MARK1: variants seen among roughly 807,000 people sequenced by gnomAD.
The protein encoded by MARK1 is serine/threonine-protein kinase MARK1.
In MARK1, 40 loss-of-function variants were observed where a neutral mutation model predicts 96.3. The observed-to-expected ratio is 0.42, with a 90% CI of 0.32 to 0.54. MARK1 has a LOEUF of 0.54. Among genes scored for constraint, MARK1 ranks in the 20% least tolerant of loss-of-function variants. MARK1 has a pLI of 0.16. For synonymous variants in MARK1, 317 were observed against 341.2 expected, an observed-to-expected ratio of 0.93 and a Z score of 0.78; for missense variants, 719 against 984.6, an observed-to-expected ratio of 0.73 and a Z score of 3.61.
At chr1:220,608,455 A>G (rs1324260106) in intron 6 of MARK1, among the ~76,000 whole-genome samples, 1 of 151,694 alleles carries the variant, frequency 6.6e-6, no homozygotes, top group African/African-American at 2.4e-5. Context: ...TTTCTTCTTT[A>G]TTAGTCTTGC....
chr1:220,626,278 G>T, intron 9 of MARK1: 1 of 533,182 alleles, frequency 1.9e-6, no homozygotes. Context: ...CCACGGCGAT[G>T]GGATGGAAGA....
chr1:220,651,440 T>G (rs1668866880), intron 14 of MARK1, among the ~76,000 whole-genome samples: 1 of 152,162 alleles, frequency 6.6e-6, no homozygotes, highest in Non-Finnish European at 1.5e-5. Flanking sequence ...CATAAGATAA[T>G]TGGAAATTGA....
Position 220,653,121 on chromosome 1 carries a change from C to T in MARK1, c.1757C>T (p.Ala586Val). The T allele has an allele frequency of 6.2e-7, 1 of 1,614,206 alleles. No homozygotes were observed. Among genetic ancestry groups the T allele is most frequent in the Non-Finnish European group, 8.5e-7 (1 of 1,180,026 alleles). ...AGCAGTACAACCCAGAGAGTGCCTG[C>T]TGCTTCCCCATCTGCTCACAGTATT... ...YRPGTTQRVP[A>V]ASPSAHSIST... Residue 586 changes from alanine to valine, a missense_variant, in exon 16 of 18, where the codon GCT (alanine) becomes GTT (valine). By Grantham distance (64) the Ala-to-Val change is moderately conservative. Around this residue, in one of 4 missense-constraint regions of MARK1, gnomAD observed 501 missense variants for 588.3 expected, o/e 0.85. Coordinates refer to ENST00000366917, the MANE Select transcript of MARK1 (RefSeq NM_018650.5).
intron 13 of MARK1, among the ~76,000 whole-genome samples, chr1:220,644,383 A>G (rs1340453379): frequency 1.3e-5 from 2 of 151,750 alleles, no homozygotes; most frequent in East Asian, 3.9e-4. Flanking sequence ...CTAAATATAC[A>G]TGCACCCAAT....
intron 3 of MARK1, among the ~76,000 whole-genome samples, chr1:220,591,351 C>T (rs1279405592): frequency 6.6e-6 from 1 of 152,062 alleles, no homozygotes; most frequent in African/African-American, 2.4e-5. Flanking sequence ...CCAGCCGATT[C>T]TAAGAGAAAA....
intron 3 of MARK1, among the ~76,000 whole-genome samples, chr1:220,583,649 G>T (rs151140991): frequency 0.013 from 1,956 of 150,868 alleles, 23 homozygotes; most frequent in Middle Eastern, 0.038. Flanking sequence ...GTGATTCCTG[G>T]GTTCTTTTTT....
At chr1:220,650,870 T>C (rs573290890) in intron 14 of MARK1, 150 bp downstream of exon 14, 1 of 551,774 alleles carries the variant, frequency 1.8e-6, no homozygotes, top group African/African-American at 1.9e-5. Flanking sequence ...TAAGACATCT[T>C]TCCTGTACCA....
chr1:220,587,192 T>C (rs1664679746), intron 3 of MARK1, among the ~76,000 whole-genome samples: 1 of 152,172 alleles, frequency 6.6e-6, no homozygotes, highest in African/African-American at 2.4e-5. Context: ...CCTATCTTTC[T>C]GTAATCAGAT....
intron 12 of MARK1, 28 bp from the exon 13 acceptor site, chr1:220,635,805 C>A: frequency 1.3e-6 from 2 of 1,514,116 alleles, no homozygotes; most frequent in Non-Finnish European, 1.8e-6. Flanking sequence ...TTTTTCAGCT[C>A]ATTATGCTAT....
At chr1:220,586,011 A>ACACACACGCACG (rs112968910) in intron 3 of MARK1, among the ~76,000 whole-genome samples, 2 of 148,534 alleles carry the variant, frequency 1.3e-5, no homozygotes, top group Non-Finnish European at 3.0e-5. Context: ...ACACACACAC[A>ACACACACGCACG]CGCGCGCGTG....
At chr1:220,630,143 T>C (rs932526835) in intron 9 of MARK1, among the ~76,000 whole-genome samples, 1 of 152,186 alleles carries the variant, frequency 6.6e-6, no homozygotes, top group Admixed American at 6.5e-5. Context: ...GCCATCCTAA[T>C]GAGTATAAGG....
intron 3 of MARK1, among the ~76,000 whole-genome samples, chr1:220,582,487 GC>G (rs1418444020): frequency 2.6e-5 from 4 of 152,148 alleles, no homozygotes; most frequent in Non-Finnish European, 5.9e-5. Context: ...CACTTAAAAT[GC>G]ACAAACTGGG....
chr1:220,632,215 A>C lies in MARK1; in HGVS notation c.1024A>C (p.Met342Leu). The change falls in exon 11 of 18, where the codon ATG becomes CTG. Residue 342 changes from methionine to leucine, a missense_variant. Around this residue, in one of 4 missense-constraint regions of MARK1, gnomAD observed 501 missense variants for 588.3 expected, o/e 0.85. Transcript: ENST00000366917. ...TAAATTTCTAGACATTATGGTCACC[A>C]TGGGCTTTGCACGAGATGAAATAAA... ...DTKRIDIMVT[M>L]GFARDEINDA... 3.4e-6 allele frequency: 5 copies of C among 1,475,968 alleles called. No individual in the cohort carries two copies. Among genetic ancestry groups the C allele is most frequent in the Non-Finnish European group, 4.5e-6 (5 of 1,104,820 alleles). 91.4% of individuals were successfully genotyped at this position (1,475,968 alleles called of 1,614,324 possible).
intron 1 of MARK1, among the ~76,000 whole-genome samples, chr1:220,545,715 C>T (rs1162226892): frequency 6.6e-6 from 1 of 152,102 alleles, no homozygotes; most frequent in Admixed American, 6.5e-5. Context: ...GCTGAAATTA[C>T]AGGCATGAGC....
chr1:220,597,364 C>T (rs1246262352), intron 3 of MARK1, among the ~76,000 whole-genome samples: 1 of 152,128 alleles, frequency 6.6e-6, no homozygotes, highest in Non-Finnish European at 1.5e-5. Context: ...AGTCTCTCCA[C>T]ATCCCCGCCA....
rs1669077132 is a variant in MARK1, at chr1:220,654,795, C to T, written c.1988+1443C>T. ...GTTTAGTGCTTGATTACTAATTGTG[C>T]ATTAAGCATTGTGCAAAATATTTCT... is the stretch of plus-strand genomic sequence containing the variant. On this transcript the variant is annotated intron_variant, in intron 16 of 17. Transcript: ENST00000366917. This position sits in a 1 kb window ranked among gnomAD's most constrained non-coding sequence, Gnocchi z 4.0. 6.6e-6 allele frequency among the ~76,000 whole-genome samples: 1 copy of T among 152,188 alleles called. No homozygotes were observed.
chr1:220,606,225 G>A (rs554774179), intron 6 of MARK1, among the ~76,000 whole-genome samples: 29 of 152,240 alleles, frequency 1.9e-4, no homozygotes, highest in African/African-American at 4.3e-4. Flanking sequence ...TCTAACTGGC[G>A]TGAGATGGTA....
At chr1:220,630,971 T>C (rs977860573) in intron 9 of MARK1, 64 bp from the exon 10 acceptor site, 14 of 1,117,942 alleles carry the variant, frequency 1.3e-5, no homozygotes, top group Middle Eastern at 2.1e-4. Flanking sequence ...TTTGCTAAAA[T>C]AGAGCTATAA....
At chr1:220,600,546 A>T (rs1665670760) in intron 5 of MARK1, among the ~76,000 whole-genome samples, 1 of 152,214 alleles carries the variant, frequency 6.6e-6, no homozygotes, top group Admixed American at 6.5e-5. Context: ...TCAGCTCAGA[A>T]TCACTTTTCT....
Sources: gnomAD v4.1 joint callset for allele counts (sites outside exome capture counted in the v4.1 genomes callset) on GRCh38, gnomAD v4.1.1 for gene constraint, gnomAD v4.1.1 regional missense constraint, Gnocchi (gnomAD v3.1) non-coding constraint, MANE v1.5 for transcripts, NCBI Gene and HGNC (gene_info 2026-07-23, HGNC 2026-07-21) for gene names.